Variants in GALNTL6 observed in about 807,000 individuals in gnomAD.
The protein encoded by GALNTL6 is polypeptide N-acetylgalactosaminyltransferase like 6.
Under a neutral mutation model 73.7 loss-of-function variants are expected in GALNTL6, and 46 were observed. The observed-to-expected ratio is 0.62, with a 90% confidence interval of 0.49 to 0.80. GALNTL6 has a LOEUF of 0.80. Among genes scored for constraint, GALNTL6 ranks in the 30% least tolerant of loss-of-function variants. The pLI is 0.00. For synonymous variants in GALNTL6, 259 were observed against 263.7 expected, an observed-to-expected ratio of 0.98 and a Z score of 0.17; for missense variants, 604 against 755.0, an observed-to-expected ratio of 0.80 and a Z score of 2.34.
At chr4:172,512,827 G>A (rs879412628) in intron 5 of GALNTL6, among the ~76,000 whole-genome samples, 9 of 152,100 alleles carry the variant, frequency 5.9e-5, no homozygotes, top group Admixed American at 4.6e-4. Flanking sequence ...AATCTGATAG[G>A]TTTTCCTTTA....
chr4:172,622,093 G>A (rs1052248147), intron 5 of GALNTL6, among the ~76,000 whole-genome samples: 2 of 151,882 alleles, frequency 1.3e-5, no homozygotes, highest in Admixed American at 6.6e-5. Flanking sequence ...AAAGTTTTTT[G>A]TTTTAAAGAT....
At chr4:172,161,051 C>T (rs1292024360) in intron 2 of GALNTL6, among the ~76,000 whole-genome samples, 1 of 151,686 alleles carries the variant, frequency 6.6e-6, no homozygotes, top group African/African-American at 2.4e-5. Context: ...GAGGGACATC[C>T]TTGAATCTTT....
At chr4:171,942,185 G>A (rs1738565930) in intron 2 of GALNTL6, among the ~76,000 whole-genome samples, 1 of 151,008 alleles carries the variant, frequency 6.6e-6, no homozygotes, top group African/African-American at 2.4e-5. Context: ...GAGGTCAGGA[G>A]GTTGAGACCA....
intron 7 of GALNTL6, among the ~76,000 whole-genome samples, chr4:172,865,498 G>C (rs564750101): frequency 3.3e-5 from 5 of 152,276 alleles, no homozygotes; most frequent in African/African-American, 7.2e-5. Flanking sequence ...GAACAGTAAG[G>C]TTAAATTAAG....
chr4:172,648,295 T>G lies in GALNTL6; in HGVS notation c.554-161066T>G, dbSNP rs1018653741. 3.3e-5 allele frequency among the ~76,000 whole-genome samples: 5 copies of G among 152,102 alleles called. No individual in the cohort carries two copies. In the East Asian group the frequency reaches 9.7e-4, roughly 29 times the overall value. The stretch of plus-strand genomic sequence containing the variant: ...AATACAGCTCCTAAAGCTTCTAAAG[T>G]AAGTTGTCATTTGTCATTAAGAAGG... On this transcript the variant is annotated intron_variant, in intron 5 of 12. Coordinates refer to ENST00000506823, the MANE Select transcript of GALNTL6 (RefSeq NM_001034845.3).
intron 5 of GALNTL6, among the ~76,000 whole-genome samples, chr4:172,460,694 A>G (rs1046850482): frequency 1.3e-5 from 2 of 152,302 alleles, no homozygotes; most frequent in East Asian, 3.9e-4. Context: ...TTAGAATGGC[A>G]ATCATTAAAA....
At chr4:172,841,984 C>G (rs922603153) in intron 7 of GALNTL6, among the ~76,000 whole-genome samples, 1 of 152,144 alleles carries the variant, frequency 6.6e-6, no homozygotes, top group Admixed American at 6.5e-5. Flanking sequence ...GTTGTGAGTC[C>G]TTATAACTTT....
intron 2 of GALNTL6, among the ~76,000 whole-genome samples, chr4:171,903,803 G>T (rs528592713): frequency 5.9e-5 from 9 of 151,624 alleles, no homozygotes; most frequent in South Asian, 2.1e-4. Flanking sequence ...ATCTGAGAAC[G>T]GGCAGACTGC....
At chr4:172,886,283 C>A in intron 8 of GALNTL6, among the ~76,000 whole-genome samples, 1 of 152,138 alleles carries the variant, frequency 6.6e-6, no homozygotes, top group Non-Finnish European at 1.5e-5. Flanking sequence ...TGTGTATTTA[C>A]AAGAATTTAT....
intron 10 of GALNTL6, among the ~76,000 whole-genome samples, chr4:172,967,839 G>A (rs1051562752): frequency 6.6e-6 from 1 of 152,130 alleles, no homozygotes; most frequent in Non-Finnish European, 1.5e-5. Context: ...ATCCCTGGGG[G>A]TTTGGAATAT....
intron 5 of GALNTL6, among the ~76,000 whole-genome samples, chr4:172,477,011 G>A (rs1444231704): frequency 7.0e-6 from 1 of 143,320 alleles, no homozygotes; most frequent in East Asian, 2.1e-4. Flanking sequence ...TGCAAGCTCC[G>A]CCTCCCGGGT....
intron 2 of GALNTL6, among the ~76,000 whole-genome samples, chr4:172,179,029 C>A (rs1735148511): frequency 2.9e-5 from 4 of 137,306 alleles, no homozygotes; most frequent in East Asian, 4.2e-4. Context: ...TGTATATGTG[C>A]CACATTTTCT....
At chr4:172,223,556 G>C (rs934231761) in intron 2 of GALNTL6, among the ~76,000 whole-genome samples, 2 of 151,902 alleles carry the variant, frequency 1.3e-5, no homozygotes, top group African/African-American at 4.8e-5. Flanking sequence ...TTTGTGTGTG[G>C]CTTCACCTTA....
chr4:172,571,217 C>T (rs1445752946), intron 5 of GALNTL6, among the ~76,000 whole-genome samples: 3 of 152,124 alleles, frequency 2.0e-5, no homozygotes, highest in African/African-American at 7.2e-5. Flanking sequence ...ATAGGAAAAC[C>T]TTATTGTTCG....
At chr4:172,396,204 C>T (rs192723801) in intron 5 of GALNTL6, among the ~76,000 whole-genome samples, 223 of 152,210 alleles carry the variant, frequency 1.5e-3, no homozygotes, top group African/African-American at 5.1e-3. Context: ...CTTCCTCGGG[C>T]AGTTTGAGTT....
chr4:172,989,018 G>A (rs1010831337), intron 10 of GALNTL6, among the ~76,000 whole-genome samples: 2 of 152,198 alleles, frequency 1.3e-5, no homozygotes, highest in African/African-American at 2.4e-5. Flanking sequence ...GTGGTGGCAG[G>A]GCCCTCATAC....
At chr4:171,827,193 T>G (rs945647728) in intron 2 of GALNTL6, among the ~76,000 whole-genome samples, 4 of 152,128 alleles carry the variant, frequency 2.6e-5, no homozygotes, top group African/African-American at 9.7e-5. Context: ...CCACAGCTAT[T>G]TGATTGATTA....
chr4:172,354,571 G>A (rs1742084845), intron 5 of GALNTL6, among the ~76,000 whole-genome samples: 1 of 151,958 alleles, frequency 6.6e-6, no homozygotes, highest in African/African-American at 2.4e-5. Context: ...ACATACCACA[G>A]TAATGTGCAA....
At chr4:172,516,075 C>A (rs1205316902) in intron 5 of GALNTL6, among the ~76,000 whole-genome samples, 1 of 152,112 alleles carries the variant, frequency 6.6e-6, no homozygotes, top group Non-Finnish European at 1.5e-5. Context: ...CTTTCAAGTA[C>A]CCAGTACCTT....
Sources: allele counts gnomAD v4.1 joint callset (sites outside exome capture counted in the v4.1 genomes callset), GRCh38; gene constraint gnomAD v4.1.1; transcripts MANE v1.5; gene names NCBI Gene and HGNC (gene_info 2026-07-23, HGNC 2026-07-21).